PTPRG: variants seen among roughly 807,000 people sequenced by gnomAD.
The protein encoded by PTPRG is receptor-type tyrosine-protein phosphatase gamma.
A neutral mutation model predicts 165.3 loss-of-function variants in PTPRG; 102 were observed. The observed-to-expected ratio is 0.62, with a 90% CI of 0.53 to 0.73. The LOEUF (loss-of-function observed/expected upper bound fraction) is 0.73, where lower values mean the gene tolerates loss of function less well. Among genes scored for constraint, PTPRG ranks in the 30% least tolerant of loss-of-function variants. PTPRG has a pLI of 0.00. For missense variants in PTPRG, 1,866 were observed against 1,861.4 expected (o/e 1.00, Z -0.05); for synonymous variants, 675 against 669.5 (o/e 1.01, Z -0.13).
At position 61,722,325 on chromosome 3, in the gene PTPRG, TG is replaced by T. The variant is rs781441882; in HGVS notation, c.86-26550del. On this transcript the variant is annotated intron_variant, in intron 1 of 29. Transcript: ENST00000474889. The stretch of plus-strand genomic sequence containing the variant: ...TCCATTCATGAGGCTGATGCCCCCG[TG>T]GGCCAAATACGTTCATTAGGCTCTA... Among the ~76,000 whole-genome samples the T allele has an allele frequency of 3.9e-5, 6 of 152,262 alleles. No individual in the cohort carries two copies. The East Asian group carries it at 7.7e-4, about 20-fold the overall frequency.
intron 2 of PTPRG, among the ~76,000 whole-genome samples, chr3:61,846,555 T>C (rs1278444824): frequency 6.6e-6 from 1 of 152,188 alleles, no homozygotes; most frequent in East Asian, 1.9e-4. Flanking sequence ...ACCAGTGCCT[T>C]CTATGCATAG....
In PTPRG at chr3:62,146,738, T is replaced by A. The variant is rs1008893866; in HGVS notation, c.683-10329T>A. Among the ~76,000 whole-genome samples, 3 of 152,168 alleles carry A rather than the reference T, an allele frequency of 2.0e-5. No homozygotes were observed. The South Asian group carries it at 6.2e-4, about 32-fold the overall frequency. Reference sequence around the variant, plus strand: ...ATTTTAAGCTCTGTCAGCCATATATTCTCTGTTGCAACTACTCAACTCTGC... The same window carrying A: ...ATTTTAAGCTCTGTCAGCCATATATACTCTGTTGCAACTACTCAACTCTGC... On this transcript the variant is annotated intron_variant, in intron 6 of 29. Coordinates refer to ENST00000474889, the MANE Select transcript of PTPRG (RefSeq NM_002841.4).
intron 2 of PTPRG, among the ~76,000 whole-genome samples, chr3:61,937,590 G>C (rs554848574): frequency 9.8e-5 from 15 of 152,338 alleles, no homozygotes; most frequent in African/African-American, 3.6e-4. Context: ...GATGAAGGCA[G>C]CTGAAGCCAT....
At position 61,839,315 on chromosome 3, in the gene PTPRG, T is replaced by A. The variant is rs542557761; in HGVS notation, c.190+90333T>A. 5.9e-5 allele frequency among the ~76,000 whole-genome samples: 9 copies of A among 152,334 alleles called. 1 individual carries two copies. In the South Asian group the frequency reaches 1.9e-3, roughly 32 times the overall value. ...TAGAGTTTGGCCTCTGTAGAATGAA[T>A]CTTATTTTAGATGCACAGAATGTAG... On this transcript the variant is annotated intron_variant, in intron 2 of 29. Transcript: ENST00000474889.
intron 4 of PTPRG, among the ~76,000 whole-genome samples, chr3:62,046,100 C>G (rs1700282492): frequency 6.6e-6 from 1 of 152,188 alleles, no homozygotes; most frequent in Non-Finnish European, 1.5e-5. Context: ...GACTGTCAAA[C>G]TTTGGGATGC....
intron 9 of PTPRG, among the ~76,000 whole-genome samples, 190 bp downstream of exon 9, chr3:62,191,843 C>T (rs1015986832): frequency 4.6e-5 from 7 of 152,124 alleles, no homozygotes; most frequent in Non-Finnish European, 7.4e-5. Context: ...CCTGCCTGGG[C>T]GCCATCCTGA....
At chr3:61,885,877 C>T (rs1481319595) in intron 2 of PTPRG, among the ~76,000 whole-genome samples, 1 of 149,638 alleles carries the variant, frequency 6.7e-6, no homozygotes, top group African/African-American at 2.5e-5. Context: ...ATCTTGGGAC[C>T]TGTTTAATAC....
At chr3:62,154,820 G>C (rs1704475016) in intron 6 of PTPRG, among the ~76,000 whole-genome samples, 1 of 152,188 alleles carries the variant, frequency 6.6e-6, no homozygotes, top group Non-Finnish European at 1.5e-5. Context: ...GCTGCAGTGT[G>C]ACTCGAAGTT....
intron 5 of PTPRG, among the ~76,000 whole-genome samples, chr3:62,095,444 A>G: frequency 6.6e-6 from 1 of 152,202 alleles, no homozygotes; most frequent in East Asian, 1.9e-4. Context: ...GTTCTCAATG[A>G]AAGAAGAGTG....
At chr3:62,174,069 G>A (rs955900540) in intron 8 of PTPRG, among the ~76,000 whole-genome samples, 5 of 152,092 alleles carry the variant, frequency 3.3e-5, no homozygotes, top group Non-Finnish European at 7.3e-5. Context: ...GCCCTTTGTC[G>A]GCAAATAACT....
intron 2 of PTPRG, among the ~76,000 whole-genome samples, chr3:61,792,612 C>A (rs2034910623): frequency 6.6e-6 from 1 of 152,148 alleles, no homozygotes; most frequent in Non-Finnish European, 1.5e-5. Context: ...CTCAGGTGTG[C>A]TATGTCACAT....
chr3:62,223,881 C>T (rs781342856), intron 13 of PTPRG, among the ~76,000 whole-genome samples: 19 of 152,148 alleles, frequency 1.2e-4, no homozygotes, highest in Non-Finnish European at 2.5e-4. Flanking sequence ...CCATTGCATA[C>T]AACATGCTTG....
At chr3:61,997,613 C>G (rs2041072085) in intron 3 of PTPRG, among the ~76,000 whole-genome samples, 1 of 152,196 alleles carries the variant, frequency 6.6e-6, no homozygotes, top group Non-Finnish European at 1.5e-5. Flanking sequence ...TCAGGTGCTA[C>G]CCCTTGTCCC....
intron 5 of PTPRG, among the ~76,000 whole-genome samples, chr3:62,114,316 CAAAA>C (rs202110573): frequency 1.4e-5 from 2 of 145,846 alleles, no homozygotes; most frequent in South Asian, 2.2e-4. Context: ...AACAAACAAA[CAAAA>C]AAAAAACGTA....
chr3:62,213,524 T>G lies in PTPRG; in HGVS notation c.2156-5327T>G, dbSNP rs1700416987. Among the ~76,000 whole-genome samples the G allele has an allele frequency of 6.6e-6, 1 of 150,792 alleles. No individual in the cohort carries two copies. The highest frequency in any genetic ancestry group is 6.6e-5 in the Admixed American group (1 of 15,150). On this transcript the variant is annotated intron_variant, in intron 12 of 29. Coordinates refer to ENST00000474889, the MANE Select transcript of PTPRG (RefSeq NM_002841.4). This position sits in a 1 kb window ranked among gnomAD's most constrained non-coding sequence, Gnocchi z 4.4. ...TCCTCAGGACTCCCCGAGAGGTGAG[T>G]GTTACCATTTGTCTCCCTTTGATAC...
chr3:61,617,744 T>A (rs531384497), intron 1 of PTPRG, among the ~76,000 whole-genome samples: 15 of 152,226 alleles, frequency 9.9e-5, no homozygotes, highest in Middle Eastern at 3.4e-3. Context: ...CCTCACACAG[T>A]GGATAGATAC....
At chr3:61,775,554 T>C (rs1458344899) in intron 2 of PTPRG, among the ~76,000 whole-genome samples, 1 of 152,096 alleles carries the variant, frequency 6.6e-6, no homozygotes, top group East Asian at 1.9e-4. Context: ...TTAGTCGATA[T>C]TAAAAGACAA....
At chr3:61,928,133 A>G (rs2039271722) in intron 2 of PTPRG, among the ~76,000 whole-genome samples, 1 of 152,214 alleles carries the variant, frequency 6.6e-6, no homozygotes, top group African/African-American at 2.4e-5. Flanking sequence ...GGAGACTCAC[A>G]CACAGTCATG....
intron 28 of PTPRG, among the ~76,000 whole-genome samples, chr3:62,286,971 T>G (rs549025782): frequency 2.2e-4 from 34 of 152,290 alleles, no homozygotes; most frequent in Non-Finnish European, 4.3e-4. Flanking sequence ...TTGATTGATT[T>G]GACTTGCGAG....
Sources: allele counts gnomAD v4.1 joint callset (sites outside exome capture counted in the v4.1 genomes callset), GRCh38; gene constraint gnomAD v4.1.1; non-coding constraint Gnocchi (gnomAD v3.1); transcripts MANE v1.5; gene names NCBI Gene and HGNC (gene_info 2026-07-23, HGNC 2026-07-21).